The following RLN2 variants were observed in gnomAD, a reference collection of about 807,000 sequenced individuals.
RLN2 encodes the protein relaxin 2, also known as prorelaxin H2.
RLN2 carries 10 observed loss-of-function variants against 7.3 expected under a neutral mutation model. The observed-to-expected ratio is 1.36, with a 90% CI of 0.84 to 2.31. RLN2 has a LOEUF of 2.31. RLN2 is among the 30% of genes most tolerant of loss of function. The probability of loss-of-function intolerance (pLI) is 0.00; values close to 1 mark genes in which losing one functional copy is unlikely to be tolerated. For missense variants in RLN2, 298 were observed against 217.6 expected (o/e 1.37, Z -2.32); for synonymous variants, 103 against 82.3 (o/e 1.25, Z -1.36).
the RLN2 span, among the ~76,000 whole-genome samples, chr9:5,324,060 A>G: frequency 6.6e-6 from 1 of 151,918 alleles, no homozygotes; most frequent in South Asian, 2.1e-4. Flanking sequence ...ATAAATAAAT[A>G]AATAAATAAA....
At chr9:5,305,330 A>T (rs1816222414), upstream of RLN2, among the ~76,000 whole-genome samples, 1 of 149,848 alleles carries the variant, frequency 6.7e-6, no homozygotes, top group South Asian at 2.1e-4. Flanking sequence ...TAAAATTCTA[A>T]TCTACATCTC....
At chr9:5,315,235 A>G in the RLN2 span, among the ~76,000 whole-genome samples, 2 of 151,990 alleles carry the variant, frequency 1.3e-5, no homozygotes, top group African/African-American at 4.8e-5. Flanking sequence ...CAGGAAAGCA[A>G]TTCGTCATCT....
the RLN2 span, among the ~76,000 whole-genome samples, chr9:5,328,176 C>T: frequency 1.3e-5 from 2 of 151,910 alleles, no homozygotes; most frequent in Non-Finnish European, 2.9e-5. Context: ...AAAAGTTAGA[C>T]GAATGGCTAA....
chr9:5,322,441 G>T, the RLN2 span, among the ~76,000 whole-genome samples: 1 of 151,992 alleles, frequency 6.6e-6, no homozygotes, highest in Non-Finnish European at 1.5e-5. Flanking sequence ...GCAATCCAAG[G>T]AGAGAAGTTA....
the RLN2 span, among the ~76,000 whole-genome samples, chr9:5,317,994 A>ATGTGTGTGGGCGTG: frequency 3.1e-5 from 2 of 64,746 alleles, no homozygotes; most frequent in Non-Finnish European, 6.0e-5. Context: ...TAACAAAACT[A>ATGTGTGTGGGCGTG]TGTGTGTGTG....
the RLN2 span, among the ~76,000 whole-genome samples, chr9:5,324,708 T>G: frequency 6.6e-6 from 1 of 152,038 alleles, no homozygotes; most frequent in African/African-American, 2.4e-5. Flanking sequence ...CATATAAATA[T>G]TATAAAAGTA....
the RLN2 span, among the ~76,000 whole-genome samples, chr9:5,335,838 A>G: frequency 6.6e-5 from 10 of 151,944 alleles, no homozygotes; most frequent in African/African-American, 2.2e-4. Context: ...GTCTCTCTTC[A>G]TTATCCCCTC....
chr9:5,319,981 C>A, the RLN2 span, among the ~76,000 whole-genome samples: 6 of 139,228 alleles, frequency 4.3e-5, no homozygotes, highest in Non-Finnish European at 7.9e-5. Context: ...ATCCTCTAAG[C>A]TAACACTTTT....
the RLN2 span, among the ~76,000 whole-genome samples, chr9:5,329,531 A>G: frequency 6.6e-6 from 1 of 151,602 alleles, no homozygotes; most frequent in Admixed American, 6.6e-5. Flanking sequence ...GCAAAGACAC[A>G]CATAGGCTCA....
chr9:5,304,751 G>A (rs1329555319), upstream of RLN2: 7 of 656,712 alleles, frequency 1.1e-5, no homozygotes, highest in East Asian at 2.8e-5. Context: ...TTTAAGGCAA[G>A]GGTGCCAGCT....
chr9:5,318,605 A>C, the RLN2 span, among the ~76,000 whole-genome samples: 4 of 152,094 alleles, frequency 2.6e-5, no homozygotes, highest in South Asian at 8.3e-4. Flanking sequence ...CCTTCTCAAA[A>C]AGAATCACAG....
chr9:5,333,552 A>G, the RLN2 span, among the ~76,000 whole-genome samples: 10 of 152,128 alleles, frequency 6.6e-5, no homozygotes, highest in East Asian at 1.9e-3. Context: ...AAAACAGCCC[A>G]GGTCCTGATG....
the RLN2 span, among the ~76,000 whole-genome samples, chr9:5,313,180 C>T: frequency 6.6e-6 from 1 of 151,902 alleles, no homozygotes; most frequent in South Asian, 2.1e-4. Flanking sequence ...ATACTGAAGT[C>T]TTCTGCTATT....
chr9:5,320,359 A>G, the RLN2 span, among the ~76,000 whole-genome samples: 1 of 152,032 alleles, frequency 6.6e-6, no homozygotes, highest in East Asian at 1.9e-4. Flanking sequence ...TAACAAGGAC[A>G]CAACAAAATT....
At chr9:5,321,905 A>C in the RLN2 span, among the ~76,000 whole-genome samples, 1 of 152,018 alleles carries the variant, frequency 6.6e-6, no homozygotes, top group Non-Finnish European at 1.5e-5. Flanking sequence ...CCTCTTCTCT[A>C]TCTCTAGCTT....
the RLN2 span, among the ~76,000 whole-genome samples, chr9:5,332,189 T>A: frequency 1.3e-5 from 2 of 152,076 alleles, no homozygotes; most frequent in African/African-American, 4.8e-5. Context: ...AAAGTAAGAC[T>A]CACAGTGGTG....
Position 5,300,087 on chromosome 9 carries a change from T to C in RLN2, c.*11A>G. 6 of 1,545,172 alleles carry C rather than the reference T, an allele frequency of 3.9e-6. No homozygotes were observed. Among genetic ancestry groups the C allele is most frequent in the Non-Finnish European group, 3.5e-6 (4 of 1,132,478 alleles). On this transcript the variant is annotated 3_prime_UTR_variant, in exon 2 of 2. Coordinates refer to ENST00000381627, the MANE Select transcript of RLN2 (RefSeq NM_134441.3). ...TGAATATTATACGAGATGTGCACAA[T>C]TAGCTTCATCTCAGCAAAATCTAGC...
chr9:5,332,424 T>C, the RLN2 span, among the ~76,000 whole-genome samples: 2 of 152,014 alleles, frequency 1.3e-5, no homozygotes, highest in Admixed American at 6.6e-5. Flanking sequence ...AAAAATAGTA[T>C]TGTCCCCTGG....
chr9:5,326,855 G>C, the RLN2 span, among the ~76,000 whole-genome samples: 97 of 152,134 alleles, frequency 6.4e-4, 1 homozygote, highest in South Asian at 8.5e-3. Flanking sequence ...GAAGGCAAAT[G>C]TCTTGACAAG....
Sources: gnomAD v4.1 joint callset for allele counts (sites outside exome capture counted in the v4.1 genomes callset) on GRCh38, gnomAD v4.1.1 for gene constraint, MANE v1.5 for transcripts, NCBI Gene and HGNC (gene_info 2026-07-23, HGNC 2026-07-21) for gene names.